TMOD3: variants seen among roughly 807,000 people sequenced by gnomAD.
TMOD3 encodes the protein tropomodulin 3, also known as tropomodulin-3.
A neutral mutation model predicts 39.2 loss-of-function variants in TMOD3; 20 were observed. The observed-to-expected ratio is 0.51, with a 90% confidence interval of 0.36 to 0.74. TMOD3 has a LOEUF of 0.74. TMOD3 is among the 30% of genes least tolerant of loss of function. The probability of loss-of-function intolerance (pLI) is 0.00; values close to 1 mark genes in which losing one functional copy is unlikely to be tolerated. For synonymous variants in TMOD3, 143 were observed against 145.8 expected (o/e 0.98, Z 0.14); for missense variants, 381 against 412.8 (o/e 0.92, Z 0.67).
chr15:51,853,905 TAGG>T (rs1567264152), intron 1 of TMOD3, among the ~76,000 whole-genome samples: 4 of 152,034 alleles, frequency 2.6e-5, no homozygotes, highest in African/African-American at 9.7e-5. Context: ...CATTTTCAGC[TAGG>T]TCTTGAAGAA....
At chr15:51,885,284 CTT>C (rs67378569) in intron 3 of TMOD3, among the ~76,000 whole-genome samples, 39,398 of 126,702 alleles carry the variant, frequency 0.31, 4,822 homozygotes, top group Admixed American at 0.38. Context: ...TTTCTTTTTT[CTT>C]TTTTTTTTTT....
intron 3 of TMOD3, among the ~76,000 whole-genome samples, chr15:51,870,679 A>G (rs1162271957): frequency 6.6e-6 from 1 of 152,078 alleles, no homozygotes; most frequent in Non-Finnish European, 1.5e-5. Context: ...AAAATTATCC[A>G]TCACCCCAGC....
chr15:51,832,636 A>G (rs1286742557), intron 1 of TMOD3, among the ~76,000 whole-genome samples: 2 of 152,120 alleles, frequency 1.3e-5, no homozygotes, highest in East Asian at 1.9e-4. Flanking sequence ...GTTCCAGGAC[A>G]GCCTGGGCAA....
intron 5 of TMOD3, among the ~76,000 whole-genome samples, chr15:51,892,813 T>C (rs2056600536): frequency 6.6e-6 from 1 of 152,204 alleles, no homozygotes; most frequent in African/African-American, 2.4e-5. Flanking sequence ...TATTATTTTA[T>C]CTTAAATTTT....
At chr15:51,900,773 C>T (rs2056646091) in intron 8 of TMOD3, among the ~76,000 whole-genome samples, 1 of 152,042 alleles carries the variant, frequency 6.6e-6, no homozygotes, top group Non-Finnish European at 1.5e-5. Context: ...ATTTTGTAAA[C>T]TATGAAGGTG....
chr15:51,858,849 A>G (rs1390168584), intron 1 of TMOD3, among the ~76,000 whole-genome samples: 1 of 152,092 alleles, frequency 6.6e-6, no homozygotes, highest in African/African-American at 2.4e-5. Flanking sequence ...TCAACATTAA[A>G]TCAGCAGTTC....
chr15:51,898,377 C>T (rs2570222), intron 7 of TMOD3, among the ~76,000 whole-genome samples: 5,107 of 152,228 alleles, frequency 0.034, 291 homozygotes, highest in African/African-American at 0.12. Context: ...AAAATACCAA[C>T]CCCATTCCCA....
At chr15:51,832,365 C>G (rs910874902) in intron 1 of TMOD3, among the ~76,000 whole-genome samples, 1 of 151,564 alleles carries the variant, frequency 6.6e-6, no homozygotes, top group African/African-American at 2.4e-5. Context: ...GAGATATTTT[C>G]CAGTTGCAGG....
At chr15:51,865,914 A>G (rs2056443152) in intron 2 of TMOD3, among the ~76,000 whole-genome samples, 2 of 152,106 alleles carry the variant, frequency 1.3e-5, no homozygotes, top group South Asian at 4.1e-4. Flanking sequence ...ATATATATAT[A>G]TGTCTCCAGA....
intron 1 of TMOD3, among the ~76,000 whole-genome samples, chr15:51,846,539 A>G (rs1595891279): frequency 6.6e-6 from 1 of 152,218 alleles, no homozygotes; most frequent in South Asian, 2.1e-4. Context: ...TTGCAAGAGG[A>G]AAAATGAGTC....
At chr15:51,892,017 C>T (rs1179576199) in intron 5 of TMOD3, among the ~76,000 whole-genome samples, 1 of 152,162 alleles carries the variant, frequency 6.6e-6, no homozygotes, top group Non-Finnish European at 1.5e-5. Flanking sequence ...GATTTTTCAC[C>T]TGACCTCGGG....
At chr15:51,901,221 G>C (rs2056648415) in intron 8 of TMOD3, 1 of 152,180 alleles carries the variant, frequency 6.6e-6, no homozygotes, top group East Asian at 1.9e-4. Context: ...ATTCCATTTG[G>C]GGTGTGTCCA....
At chr15:51,883,350 T>C (rs2056543984) in intron 3 of TMOD3, among the ~76,000 whole-genome samples, 1 of 152,156 alleles carries the variant, frequency 6.6e-6, no homozygotes. Flanking sequence ...TTAAGGAATG[T>C]GGATAAGGAT....
intron 1 of TMOD3, among the ~76,000 whole-genome samples, chr15:51,840,941 C>T: frequency 6.6e-6 from 1 of 152,212 alleles, no homozygotes; most frequent in East Asian, 1.9e-4. Context: ...TGTCTAGTAT[C>T]ATAAAACTAA....
intron 1 of TMOD3, among the ~76,000 whole-genome samples, chr15:51,846,267 G>A (rs1033371987): frequency 6.6e-6 from 1 of 152,112 alleles, no homozygotes; most frequent in Non-Finnish European, 1.5e-5. Flanking sequence ...GGAGTTTGAG[G>A]CTGCCATGAG....
At chr15:51,845,301 C>G (rs778641201) in intron 1 of TMOD3, among the ~76,000 whole-genome samples, 1 of 152,186 alleles carries the variant, frequency 6.6e-6, no homozygotes, top group Non-Finnish European at 1.5e-5. Flanking sequence ...TTGTCATGGA[C>G]GTGGAAGAGC....
rs753814979 is a variant in TMOD3 at position 51,881,550 on chromosome 15, CTTTTT to C, written c.284-6015_284-6011del. 8.6e-4 allele frequency among the ~76,000 whole-genome samples: 53 copies of C among 61,830 alleles called. 1 individual carries two copies. The East Asian group carries it at 0.013, about 15-fold the overall frequency. 40.6% of individuals were successfully genotyped at this position (61,830 alleles called of 152,430 possible). On this transcript the variant is annotated intron_variant, in intron 3 of 9. Transcript: ENST00000308580. Reference sequence around the variant, plus strand: ...ACGGAGATACAATCTTTCTTTATTTCTTTTTTTTTTTTTTTTTTTTTTTTTTTTGA... The same window carrying C: ...ACGGAGATACAATCTTTCTTTATTTCTTTTTTTTTTTTTTTTTTTTTTTGA...
At chr15:51,869,111 T>C (rs1292966238) in intron 2 of TMOD3, 106 bp from the exon 3 acceptor site, 2 of 1,234,138 alleles carry the variant, frequency 1.6e-6, no homozygotes, top group Non-Finnish European at 2.3e-6. Flanking sequence ...GTTTAGTGCC[T>C]GTATCACATT....
rs574132024 is a variant in TMOD3 at position 51,881,124 on chromosome 15, G to A, written c.284-6465G>A. Among the ~76,000 whole-genome samples the A allele has an allele frequency of 2.6e-5, 4 of 152,210 alleles. No homozygotes were observed. In the East Asian group the frequency reaches 7.7e-4, roughly 29 times the overall value. ...GTATATTTGTTTGCTTTTTGGAAATGGAGTCTTGCTATGCAGCCCAGGCTG... is the reference window on the plus strand; with the variant it reads ...GTATATTTGTTTGCTTTTTGGAAATAGAGTCTTGCTATGCAGCCCAGGCTG... On this transcript the variant is annotated intron_variant, in intron 3 of 9. Coordinates refer to ENST00000308580, the MANE Select transcript of TMOD3 (RefSeq NM_014547.5).
Sources: allele counts gnomAD v4.1 joint callset (sites outside exome capture counted in the v4.1 genomes callset), GRCh38; gene constraint gnomAD v4.1.1; transcripts MANE v1.5; gene names NCBI Gene and HGNC (gene_info 2026-07-23, HGNC 2026-07-21).